Variants in RASGRF2 observed in about 807,000 individuals in gnomAD.
RASGRF2 encodes Ras protein specific guanine nucleotide releasing factor 2.
In RASGRF2, 76 loss-of-function variants were observed where a neutral mutation model predicts 151.0. That is an observed-to-expected ratio of 0.50 (90% CI 0.42 to 0.61). The LOEUF is 0.61. Ranked by LOEUF, RASGRF2 falls within the 20% of genes least tolerant of loss-of-function variation. The pLI is 0.00. For missense variants in RASGRF2, 1,148 were observed against 1,564.6 expected, an observed-to-expected ratio of 0.73 and a Z score of 4.49; for synonymous variants, 504 against 566.5, an observed-to-expected ratio of 0.89 and a Z score of 1.57.
At chr5:80,990,102 G>A (rs1455020572) in intron 1 of RASGRF2, among the ~76,000 whole-genome samples, 1 of 152,202 alleles carries the variant, frequency 6.6e-6, no homozygotes, top group African/African-American at 2.4e-5. Flanking sequence ...ACAAGCGGGA[G>A]CTGTGTCCCC....
At chr5:81,050,006 G>A (rs141005079) in intron 2 of RASGRF2, among the ~76,000 whole-genome samples, 126 of 152,226 alleles carry the variant, frequency 8.3e-4, no homozygotes, top group African/African-American at 2.8e-3. Flanking sequence ...TCCCTTCCTG[G>A]ATAGGAATGT....
chr5:81,181,273 A>C (rs1352392454), intron 18 of RASGRF2, among the ~76,000 whole-genome samples: 1 of 152,214 alleles, frequency 6.6e-6, no homozygotes, highest in Non-Finnish European at 1.5e-5. Flanking sequence ...CAGTCTGTTC[A>C]ATAGGGTCAC....
At chr5:81,155,515 C>G (rs748965152) in intron 17 of RASGRF2, among the ~76,000 whole-genome samples, 1 of 152,110 alleles carries the variant, frequency 6.6e-6, no homozygotes, top group Non-Finnish European at 1.5e-5. Flanking sequence ...AAAGCAGAAA[C>G]ATCACAACCA....
intron 1 of RASGRF2, among the ~76,000 whole-genome samples, chr5:81,008,139 C>CTTTTTTTTTTTTTTTTTTT (rs58105434): frequency 7.0e-5 from 6 of 85,388 alleles, no homozygotes; most frequent in Admixed American, 1.5e-4. Context: ...TCTTTCTTTC[C>CTTTTTTTTTTTTTTTTTTT]TTTTTTTTTT....
At chr5:81,013,429 T>A (rs1749532810) in intron 1 of RASGRF2, among the ~76,000 whole-genome samples, 1 of 152,180 alleles carries the variant, frequency 6.6e-6, no homozygotes, top group South Asian at 2.1e-4. Flanking sequence ...AAACTGTGGC[T>A]TTCTGCTTGA....
intron 15 of RASGRF2, among the ~76,000 whole-genome samples, chr5:81,116,066 C>CTTTTTTT (rs575647502): frequency 0.026 from 1,275 of 49,098 alleles, 340 homozygotes; most frequent in Non-Finnish European, 0.038. Flanking sequence ...AATGCCATTT[C>CTTTTTTT]TTTTTTTTTT....
chr5:81,132,092 A>G (rs1436793853), intron 17 of RASGRF2, among the ~76,000 whole-genome samples: 1 of 152,176 alleles, frequency 6.6e-6, no homozygotes, highest in Non-Finnish European at 1.5e-5. Context: ...TCACTATTTG[A>G]CACACTATTT....
In RASGRF2 at chr5:80,961,679, G is replaced by A. The variant is rs187187184; in HGVS notation, c.288+653G>A. On this transcript the variant is annotated intron_variant, in intron 1 of 26. Transcript: ENST00000265080. ...CCACATTCTTGCTATGTTTAAAAAT[G>A]TGGGCATTTTTAAAGAACGCTTCTG... 3.3e-5 allele frequency among the ~76,000 whole-genome samples: 5 copies of A among 152,336 alleles called. No homozygotes were observed. In the East Asian group the frequency reaches 7.7e-4, roughly 23 times the overall value.
intron 17 of RASGRF2, among the ~76,000 whole-genome samples, chr5:81,151,199 T>C (rs1338055551): frequency 6.6e-6 from 1 of 152,196 alleles, no homozygotes; most frequent in Admixed American, 6.5e-5. Flanking sequence ...ACTTCAAAGA[T>C]GGGCTTGTCC....
At chr5:81,120,935 T>C (rs1753290791) in intron 15 of RASGRF2, among the ~76,000 whole-genome samples, 1 of 152,228 alleles carries the variant, frequency 6.6e-6, no homozygotes, top group Admixed American at 6.5e-5. Flanking sequence ...TTGAGGTAGC[T>C]CTTTGGCATT....
intron 1 of RASGRF2, among the ~76,000 whole-genome samples, chr5:81,035,409 C>T (rs9764993): frequency 0.019 from 2,815 of 152,036 alleles, 89 homozygotes; most frequent in African/African-American, 0.061. Flanking sequence ...GGGAATTGAA[C>T]GATGAGAACA....
chr5:81,184,580 C>T (rs565196228), intron 18 of RASGRF2, among the ~76,000 whole-genome samples: 3 of 152,254 alleles, frequency 2.0e-5, no homozygotes, highest in Non-Finnish European at 4.4e-5. Flanking sequence ...CAGATTACCA[C>T]TGGCGCCATC....
intron 2 of RASGRF2, among the ~76,000 whole-genome samples, chr5:81,058,521 G>C (rs1300872369): frequency 6.6e-6 from 1 of 152,208 alleles, no homozygotes; most frequent in African/African-American, 2.4e-5. Flanking sequence ...ACCCCAGTAA[G>C]AGCAGAATAG....
intron 12 of RASGRF2, among the ~76,000 whole-genome samples, chr5:81,095,612 A>T (rs1752525247): frequency 6.6e-6 from 1 of 152,232 alleles, no homozygotes; most frequent in Non-Finnish European, 1.5e-5. Flanking sequence ...TTCAAGCTCC[A>T]TATGAATTTT....
chr5:81,209,170 G>C (rs1056857002), intron 22 of RASGRF2, among the ~76,000 whole-genome samples: 1 of 152,128 alleles, frequency 6.6e-6, no homozygotes, highest in African/African-American at 2.4e-5. Context: ...AGGGTTGGAA[G>C]GGGCCTCTTG....
intron 19 of RASGRF2, among the ~76,000 whole-genome samples, chr5:81,202,427 T>G (rs116336123): frequency 3.7e-4 from 57 of 152,320 alleles, no homozygotes; most frequent in African/African-American, 1.3e-3. Context: ...TCAGTCCATG[T>G]TTTTGCAAGT....
intron 9 of RASGRF2, 102 bp from the exon 10 acceptor site, chr5:81,092,699 C>T (rs1306993465): frequency 9.3e-7 from 1 of 1,070,450 alleles, no homozygotes; most frequent in African/African-American, 1.6e-5. Context: ...AAATCAATCC[C>T]TGGTATTTTG....
intron 18 of RASGRF2, among the ~76,000 whole-genome samples, chr5:81,185,220 T>C (rs898840781): frequency 6.6e-6 from 1 of 152,176 alleles, no homozygotes; most frequent in African/African-American, 2.4e-5. Flanking sequence ...GGTGGGGAGA[T>C]GCCTCCTTTT....
Position 81,098,362 on chromosome 5 carries a change from C to T in RASGRF2, c.1755+3370C>T, listed in dbSNP as rs548357123. On this transcript the variant is annotated intron_variant, in intron 12 of 26. Transcript: ENST00000265080. The stretch of plus-strand genomic sequence containing the variant: ...TAAGCAGTGGGATATAGAAGTCCAG[C>T]ATTTAGAGAGAGATCCGGGTAGGAG... Among the ~76,000 whole-genome samples, 283 of 152,200 alleles carry T rather than the reference C, an allele frequency of 1.9e-3. 3 individuals carry two copies. The highest frequency in any genetic ancestry group is 6.5e-3 in the African/African-American group (270 of 41,526).
Sources: gnomAD v4.1 joint callset for allele counts (sites outside exome capture counted in the v4.1 genomes callset) on GRCh38, gnomAD v4.1.1 for gene constraint, MANE v1.5 for transcripts, NCBI Gene and HGNC (gene_info 2026-07-23, HGNC 2026-07-21) for gene names.